Variants in ERI3 observed in about 807,000 individuals in gnomAD.
The protein encoded by ERI3 is ERI1 exoribonuclease family member 3, also known as ERI1 exoribonuclease 3.
Under a neutral mutation model 44.4 loss-of-function variants are expected in ERI3, and 18 were observed. The ratio of observed to expected loss-of-function variants is 0.41; its 90% CI spans 0.28 to 0.60. ERI3 has a LOEUF of 0.60. Among genes scored for constraint, ERI3 ranks in the 20% least tolerant of loss-of-function variants. ERI3 has a pLI of 0.36. For missense variants in ERI3, 294 were observed against 435.5 expected (o/e 0.68, Z 2.89); for synonymous variants, 183 against 164.8 (o/e 1.11, Z -0.84).
chr1:44,298,603 C>T (rs1302012533), intron 6 of ERI3, among the ~76,000 whole-genome samples: 1 of 152,162 alleles, frequency 6.6e-6, no homozygotes, highest in African/African-American at 2.4e-5. Context: ...ATCTCCTATA[C>T]ATTATGTTAT....
chr1:44,294,508 C>A lies in ERI3; in HGVS notation c.759-9601G>T, dbSNP rs550577161. Among the ~76,000 whole-genome samples the A allele has an allele frequency of 9.8e-5, 15 of 152,352 alleles. 2 individuals are homozygous for A. The highest frequency in any genetic ancestry group is 3.6e-4 in the African/African-American group (15 of 41,580). ...AATTCTGTAACTTGTATCTCCCCAG[C>A]CCCTCTCTAGGGAAATAATAAGACA... is the stretch of plus-strand genomic sequence containing the variant. On this transcript the variant is annotated intron_variant, in intron 6 of 8. Coordinates refer to ENST00000372257, the MANE Select transcript of ERI3 (RefSeq NM_024066.3).
At chr1:44,255,026 G>A (rs923365984) in intron 7 of ERI3, among the ~76,000 whole-genome samples, 2 of 152,012 alleles carry the variant, frequency 1.3e-5, no homozygotes, top group Non-Finnish European at 2.9e-5. Flanking sequence ...TTTGTAAAAT[G>A]GGGGTTATAA....
At chr1:44,329,879 G>C (rs1646394047) in intron 3 of ERI3, among the ~76,000 whole-genome samples, 1 of 152,142 alleles carries the variant, frequency 6.6e-6, no homozygotes, top group Non-Finnish European at 1.5e-5. Flanking sequence ...TCCTCAGTAG[G>C]CCACTAGTCT....
chr1:44,347,934 A>G (rs930945858), intron 2 of ERI3, among the ~76,000 whole-genome samples: 6 of 151,988 alleles, frequency 3.9e-5, no homozygotes, highest in Non-Finnish European at 8.8e-5. Flanking sequence ...TAAGTCTCAG[A>G]GTTTTTAAAG....
intron 3 of ERI3, chr1:44,322,623 T>C: frequency 7.3e-7 from 1 of 1,378,880 alleles, no homozygotes; most frequent in Non-Finnish European, 9.6e-7. Flanking sequence ...GCCTACACAC[T>C]GGCATATTCA....
chr1:44,228,826 A>G lies in ERI3; in HGVS notation c.932-7186T>C, dbSNP rs868602181. 2.0e-5 allele frequency among the ~76,000 whole-genome samples: 3 copies of G among 152,202 alleles called. No homozygotes were observed. Among genetic ancestry groups the G allele is most frequent in the Non-Finnish European group, 4.4e-5 (3 of 68,038 alleles). On this transcript the variant is annotated intron_variant, in intron 8 of 8. Coordinates refer to ENST00000372257, the MANE Select transcript of ERI3 (RefSeq NM_024066.3). This position sits in a 1 kb window ranked among gnomAD's most constrained non-coding sequence, Gnocchi z 4.3. ...AGTGCATTTGGCCACCAGGAACTCA[A>G]CTCAGATTTGGCGAGGCAAAGGACA... is the stretch of plus-strand genomic sequence containing the variant.
At position 44,272,640 on chromosome 1, in the gene ERI3, G is replaced by A. The variant is rs536535497; in HGVS notation, c.831+12195C>T. Among the ~76,000 whole-genome samples the A allele has an allele frequency of 7.9e-5, 12 of 151,992 alleles. No homozygotes were observed. In the South Asian group the frequency reaches 1.2e-3, roughly 16 times the overall value. Reference sequence around the variant, plus strand: ...GTGGATCACTCGAGGCCAGGAGTTCGAGACCAGCCTAGCCAACATGACGAG... The same window carrying A: ...GTGGATCACTCGAGGCCAGGAGTTCAAGACCAGCCTAGCCAACATGACGAG... On this transcript the variant is annotated intron_variant, in intron 7 of 8. Coordinates refer to ENST00000372257, the MANE Select transcript of ERI3 (RefSeq NM_024066.3).
At chr1:44,320,238 AAAAT>A (rs1646171441) in intron 3 of ERI3, among the ~76,000 whole-genome samples, 1 of 152,214 alleles carries the variant, frequency 6.6e-6, no homozygotes, top group Admixed American at 6.5e-5. Flanking sequence ...AAAAAGATAA[AAAAT>A]AAAGCCAAAG....
At chr1:44,311,633 C>G (rs1289185670) in intron 5 of ERI3, among the ~76,000 whole-genome samples, 1 of 152,084 alleles carries the variant, frequency 6.6e-6, no homozygotes, top group Non-Finnish European at 1.5e-5. Flanking sequence ...ACATCTCCTC[C>G]TCGACTGGGG....
intron 5 of ERI3, among the ~76,000 whole-genome samples, chr1:44,312,869 C>A (rs1646003068): frequency 6.6e-6 from 1 of 152,252 alleles, no homozygotes; most frequent in Admixed American, 6.5e-5. Context: ...CCCAGCCCAC[C>A]CAGCATAGGC....
chr1:44,277,907 A>C (rs1205217781), intron 7 of ERI3, among the ~76,000 whole-genome samples: 1 of 152,246 alleles, frequency 6.6e-6, no homozygotes, highest in Non-Finnish European at 1.5e-5. Context: ...ATGTAGGTAC[A>C]TAACCATAGC....
chr1:44,317,910 G>T (rs942766137), intron 4 of ERI3, among the ~76,000 whole-genome samples: 1 of 152,198 alleles, frequency 6.6e-6, no homozygotes, highest in Non-Finnish European at 1.5e-5. Flanking sequence ...ATCATGGCGA[G>T]TTTTGAGCTC....
At chr1:44,276,562 G>A (rs1645184859) in intron 7 of ERI3, among the ~76,000 whole-genome samples, 1 of 152,098 alleles carries the variant, frequency 6.6e-6, no homozygotes, top group African/African-American at 2.4e-5. Flanking sequence ...CTTGGAATCT[G>A]CCAACACCTA....
intron 7 of ERI3, among the ~76,000 whole-genome samples, chr1:44,248,667 T>C: frequency 6.6e-6 from 1 of 150,468 alleles, no homozygotes; most frequent in African/African-American, 2.5e-5. Flanking sequence ...GGGGTGTACA[T>C]GGGGCGTGTG....
chr1:44,352,720 T>G lies in ERI3; in HGVS notation c.211+130A>C, dbSNP rs927958225. ...TATCAGAAGAAGCTACAAAAAAATA[T>G]GATTCGTTTAGACTTTGGGGATACA... On this transcript the variant is annotated intron_variant, in intron 2 of 8. Coordinates refer to ENST00000372257, the MANE Select transcript of ERI3 (RefSeq NM_024066.3). 7 of 935,096 alleles carry G rather than the reference T, an allele frequency of 7.5e-6. No individual in the cohort carries two copies. In the African/African-American group the frequency reaches 8.2e-5, roughly 11 times the overall value. 57.9% of individuals were successfully genotyped at this position (935,096 alleles called of 1,614,324 possible). A position where few individuals can be genotyped will look rare whatever the true frequency, so the allele number is the denominator to read the frequency against.
intron 2 of ERI3, among the ~76,000 whole-genome samples, chr1:44,347,913 C>T (rs1054918296): frequency 6.7e-6 from 1 of 150,266 alleles, no homozygotes; most frequent in Non-Finnish European, 1.5e-5. Flanking sequence ...GTGTTTTAAT[C>T]TAAACTGTGC....
At chr1:44,250,130 AT>A (rs1644644777) in intron 7 of ERI3, among the ~76,000 whole-genome samples, 1 of 152,252 alleles carries the variant, frequency 6.6e-6, no homozygotes, top group Non-Finnish European at 1.5e-5. Context: ...TCAGTAATAG[AT>A]TCTCGGCTGA....
chr1:44,340,638 C>CTA (rs1180892220), intron 2 of ERI3, among the ~76,000 whole-genome samples: 1 of 152,172 alleles, frequency 6.6e-6, no homozygotes, highest in East Asian at 1.9e-4. Flanking sequence ...AGTAACTTGC[C>CTA]TATATATATA....
intron 3 of ERI3, among the ~76,000 whole-genome samples, chr1:44,320,611 G>A (rs1204666028): frequency 2.0e-5 from 3 of 152,124 alleles, no homozygotes; most frequent in Admixed American, 6.6e-5. Flanking sequence ...GAGGGAAAGC[G>A]AGGAGAGAGA....
Sources: gnomAD v4.1 joint callset for allele counts (sites outside exome capture counted in the v4.1 genomes callset) on GRCh38, gnomAD v4.1.1 for gene constraint, Gnocchi (gnomAD v3.1) non-coding constraint, MANE v1.5 for transcripts, NCBI Gene and HGNC (gene_info 2026-07-23, HGNC 2026-07-21) for gene names.